The following ZNF423 variants were observed in gnomAD, a reference collection of about 807,000 sequenced individuals.
ZNF423 encodes the protein Ebf-associated zinc finger protein.
ZNF423 carries 12 observed loss-of-function variants against 95.8 expected under a neutral mutation model. That is an observed-to-expected ratio of 0.13 (90% CI 0.08 to 0.20). The LOEUF (loss-of-function observed/expected upper bound fraction) is 0.20, where lower values mean the gene tolerates loss of function less well. Among genes scored for constraint, ZNF423 ranks in the 10% least tolerant of loss-of-function variants. The pLI, the probability that ZNF423 is intolerant of heterozygous loss-of-function variation, is 1.00. For synonymous variants in ZNF423, 749 were observed against 711.9 expected, an observed-to-expected ratio of 1.05 and a Z score of -0.83; for missense variants, 1,316 against 1,737.1, an observed-to-expected ratio of 0.76 and a Z score of 4.31.
At chr16:49,607,924 A>G (rs1023691889) in intron 5 of ZNF423, among the ~76,000 whole-genome samples, 7 of 152,156 alleles carry the variant, frequency 4.6e-5, no homozygotes, top group African/African-American at 1.4e-4. Flanking sequence ...AGACCACCAT[A>G]TGGCCAGTGG....
intron 5 of ZNF423, among the ~76,000 whole-genome samples, chr16:49,586,060 C>T (rs961069970): frequency 4.6e-5 from 7 of 152,126 alleles, no homozygotes; most frequent in African/African-American, 1.4e-4. Context: ...CCTCCCAGAA[C>T]GCTAACCTGG....
chr16:49,664,935 G>A (rs1358260201), intron 3 of ZNF423, among the ~76,000 whole-genome samples: 2 of 152,242 alleles, frequency 1.3e-5, no homozygotes, highest in Non-Finnish European at 2.9e-5. Context: ...TGGGCACATT[G>A]TACTCCCAAG....
intron 3 of ZNF423, among the ~76,000 whole-genome samples, chr16:49,699,608 C>T (rs1376888570): frequency 5.3e-5 from 8 of 152,196 alleles, no homozygotes; most frequent in African/African-American, 1.9e-4. Flanking sequence ...TTGTCATGTC[C>T]TCTTTCCCAG....
Position 49,730,955 on chromosome 16 carries a change from C to G in ZNF423, c.117G>C (p.Glu39Asp). 3.1e-6 allele frequency: 5 copies of G among 1,614,222 alleles called. No homozygotes were observed. The highest frequency in any genetic ancestry group is 4.2e-6 in the Non-Finnish European group (5 of 1,180,036). Residue 39 changes from glutamate (E) to aspartate (D), a missense_variant, in exon 3 of 8, where the codon GAG becomes GAC. Transcript: ENST00000563137. ...SVTAAGGLEGEPECDQKTSRA... is the reference protein window; with the variant it reads ...SVTAAGGLEGDPECDQKTSRA... Reference sequence around the variant, plus strand: ...GGCTGGTTTTCTGATCGCACTCTGGCTCTCCTTCTAGGCCTCCTGCCAACA... The same window carrying G: ...GGCTGGTTTTCTGATCGCACTCTGGGTCTCCTTCTAGGCCTCCTGCCAACA...
intron 4 of ZNF423, among the ~76,000 whole-genome samples, chr16:49,626,720 C>T (rs1972286494): frequency 1.4e-5 from 2 of 144,360 alleles, no homozygotes; most frequent in African/African-American, 5.3e-5. Context: ...TCTACCCATC[C>T]ATCCATATAC....
At chr16:49,510,895 C>T (rs1346096560) in intron 7 of ZNF423, among the ~76,000 whole-genome samples, 2 of 152,240 alleles carry the variant, frequency 1.3e-5, no homozygotes, top group African/African-American at 2.4e-5. Flanking sequence ...GCAGCTCCCC[C>T]GTGCCCATCT....
intron 1 of ZNF423, among the ~76,000 whole-genome samples, chr16:49,848,769 G>A (rs933334333): frequency 3.9e-5 from 6 of 152,046 alleles, no homozygotes; most frequent in Non-Finnish European, 2.9e-5. Flanking sequence ...TAATAACTTC[G>A]GGGGCCCACA....
intron 3 of ZNF423, among the ~76,000 whole-genome samples, chr16:49,729,423 G>A (rs2033106106): frequency 6.6e-6 from 1 of 152,056 alleles, no homozygotes; most frequent in African/African-American, 2.4e-5. Flanking sequence ...TGTGACCCCG[G>A]CCAAGCAATC....
At chr16:49,672,494 A>G (rs1447977090) in intron 3 of ZNF423, among the ~76,000 whole-genome samples, 3 of 152,296 alleles carry the variant, frequency 2.0e-5, no homozygotes, top group Admixed American at 6.5e-5. Flanking sequence ...GGTGTCCCAT[A>G]GTTGACCAAA....
chr16:49,550,831 C>T (rs1969605537), intron 5 of ZNF423, among the ~76,000 whole-genome samples: 1 of 152,260 alleles, frequency 6.6e-6, no homozygotes, highest in Non-Finnish European at 1.5e-5. Flanking sequence ...GCCAACTGCC[C>T]CCAGCCTGCT....
At chr16:49,858,298 A>T (rs2035393457), upstream of ZNF423, among the ~76,000 whole-genome samples, 1 of 149,608 alleles carries the variant, frequency 6.7e-6, no homozygotes, top group Admixed American at 6.6e-5. This position sits in a 1 kb window ranked among gnomAD's most constrained non-coding sequence, Gnocchi z 4.3. Context: ...CCTGCCGGCC[A>T]GCCGGGCCCG....
At chr16:49,644,147 A>C (rs533529390) in intron 3 of ZNF423, among the ~76,000 whole-genome samples, 1 of 152,326 alleles carries the variant, frequency 6.6e-6, no homozygotes, top group East Asian at 1.9e-4. Flanking sequence ...ACTGGCCCAC[A>C]GACTCACAGG....
chr16:49,744,977 C>T (rs1057417596), intron 2 of ZNF423, among the ~76,000 whole-genome samples: 2 of 152,212 alleles, frequency 1.3e-5, no homozygotes. Flanking sequence ...TTTTCCATTA[C>T]CGCAAATGTC....
At chr16:49,709,780 T>C (rs1220445290) in intron 3 of ZNF423, among the ~76,000 whole-genome samples, 3 of 152,170 alleles carry the variant, frequency 2.0e-5, no homozygotes, top group African/African-American at 7.2e-5. Context: ...AGAGGGCACA[T>C]AGAAGTCTCC....
intron 2 of ZNF423, among the ~76,000 whole-genome samples, chr16:49,768,482 C>T (rs542767331): frequency 8.5e-5 from 13 of 152,218 alleles, no homozygotes; most frequent in Non-Finnish European, 1.8e-4. Context: ...TGTACTCCCA[C>T]GCCATCGCCT....
intron 7 of ZNF423, among the ~76,000 whole-genome samples, chr16:49,499,598 T>C (rs75904721): frequency 0.018 from 2,718 of 152,280 alleles, 77 homozygotes; most frequent in African/African-American, 0.062. Flanking sequence ...AGGTTTTCCG[T>C]GTTCTTGAGA....
chr16:49,750,772 T>A (rs2033619253), intron 2 of ZNF423, among the ~76,000 whole-genome samples: 1 of 152,054 alleles, frequency 6.6e-6, no homozygotes, highest in East Asian at 1.9e-4. Flanking sequence ...ATAAAATAAT[T>A]GACGTGACAG....
chr16:49,843,192 G>T (rs190299366), intron 1 of ZNF423, among the ~76,000 whole-genome samples: 96 of 152,084 alleles, frequency 6.3e-4, no homozygotes, highest in African/African-American at 2.1e-3. Flanking sequence ...ACTCAAACAA[G>T]AACACAAAGG....
At chr16:49,520,001 C>A (rs1968326187) in intron 7 of ZNF423, among the ~76,000 whole-genome samples, 1 of 152,184 alleles carries the variant, frequency 6.6e-6, no homozygotes. Context: ...CTCGGGGAGG[C>A]CCTCCCTGAC....
Sources: gnomAD v4.1 joint callset for allele counts (sites outside exome capture counted in the v4.1 genomes callset) on GRCh38, gnomAD v4.1.1 for gene constraint, Gnocchi (gnomAD v3.1) non-coding constraint, MANE v1.5 for transcripts, NCBI Gene and HGNC (gene_info 2026-07-23, HGNC 2026-07-21) for gene names.